The following DPP10 variants were observed in gnomAD, a reference collection of about 807,000 sequenced individuals.
The protein encoded by DPP10 is dipeptidyl peptidase like 10, also known as inactive dipeptidyl peptidase 10.
A neutral mutation model predicts 120.9 loss-of-function variants in DPP10; 33 were observed. That is an observed-to-expected ratio of 0.27 (90% CI 0.21 to 0.37). DPP10 has a LOEUF of 0.37. DPP10 is among the 10% of genes least tolerant of loss of function. The pLI is 1.00. For synonymous variants in DPP10, 337 were observed against 326.1 expected, an observed-to-expected ratio of 1.03 and a Z score of -0.36; for missense variants, 816 against 942.8, an observed-to-expected ratio of 0.87 and a Z score of 1.76.
intron 1 of DPP10, among the ~76,000 whole-genome samples, chr2:115,275,993 G>A (rs1199053197): frequency 1.3e-5 from 2 of 152,042 alleles, no homozygotes; most frequent in Admixed American, 6.5e-5. Flanking sequence ...GAGCCACCGC[G>A]CCCGGCCTAT....
At chr2:114,559,711 G>T (rs887525014) in intron 1 of DPP10, among the ~76,000 whole-genome samples, 8 of 152,018 alleles carry the variant, frequency 5.3e-5, no homozygotes, top group Non-Finnish European at 1.0e-4. Context: ...AATCTGTGTG[G>T]ATCATGAGTA....
At chr2:114,580,973 A>T (rs1263468028) in intron 1 of DPP10, among the ~76,000 whole-genome samples, 3 of 151,972 alleles carry the variant, frequency 2.0e-5, no homozygotes, top group Non-Finnish European at 2.9e-5. Flanking sequence ...ATTGTGGACG[A>T]CTTAAAAAGG....
intron 1 of DPP10, among the ~76,000 whole-genome samples, chr2:115,303,927 G>A (rs946704222): frequency 1.3e-5 from 2 of 151,934 alleles, no homozygotes; most frequent in African/African-American, 4.8e-5. Flanking sequence ...CTTTAAGATG[G>A]AGTTTATTCC....
intron 1 of DPP10, among the ~76,000 whole-genome samples, chr2:114,839,608 G>A (rs911769545): frequency 3.3e-5 from 5 of 152,132 alleles, no homozygotes; most frequent in Admixed American, 2.0e-4. Context: ...CACTTATCAA[G>A]TGTTATACAT....
chr2:115,152,020 T>C (rs2051593404), intron 1 of DPP10, among the ~76,000 whole-genome samples: 1 of 152,180 alleles, frequency 6.6e-6, no homozygotes. Flanking sequence ...ATTAATGTTT[T>C]TTTCATGTGT....
At chr2:115,318,836 A>G (rs2061923671) in intron 2 of DPP10, among the ~76,000 whole-genome samples, 1 of 152,126 alleles carries the variant, frequency 6.6e-6, no homozygotes, top group African/African-American at 2.4e-5. Flanking sequence ...TTTTCTATGT[A>G]TGAGGATCAT....
At chr2:114,499,558 A>G (rs767804734) in intron 1 of DPP10, among the ~76,000 whole-genome samples, 21 of 150,008 alleles carry the variant, frequency 1.4e-4, no homozygotes, top group African/African-American at 4.7e-4. Flanking sequence ...TTAGCACAAG[A>G]TGCTTTTGCA....
chr2:114,551,654 A>G (rs987848553), intron 1 of DPP10, among the ~76,000 whole-genome samples: 2 of 152,164 alleles, frequency 1.3e-5, no homozygotes, highest in African/African-American at 2.4e-5. Flanking sequence ...AGAAGATGCT[A>G]CTACATCAGA....
At chr2:114,962,020 C>T (rs1390716596) in intron 1 of DPP10, among the ~76,000 whole-genome samples, 1 of 152,062 alleles carries the variant, frequency 6.6e-6, no homozygotes, top group East Asian at 1.9e-4. Context: ...ACTATAGTTG[C>T]TGCTGTTAGA....
chr2:114,661,706 G>A (rs1038331563), intron 1 of DPP10, among the ~76,000 whole-genome samples: 8 of 152,124 alleles, frequency 5.3e-5, no homozygotes, highest in African/African-American at 1.9e-4. Flanking sequence ...AAAAGTATGA[G>A]TAAGAAACAG....
chr2:115,528,054 A>G (rs1314004092), intron 5 of DPP10, among the ~76,000 whole-genome samples: 3 of 152,144 alleles, frequency 2.0e-5, no homozygotes, highest in Non-Finnish European at 2.9e-5. Flanking sequence ...TTATAGCAGC[A>G]TTATTTGTAT....
chr2:114,786,518 T>A (rs1418973314), intron 1 of DPP10, among the ~76,000 whole-genome samples: 3 of 152,188 alleles, frequency 2.0e-5, no homozygotes, highest in Non-Finnish European at 2.9e-5. Flanking sequence ...TAACATCGTG[T>A]GTAGAAAATG....
chr2:114,697,247 G>C (rs1012068307), intron 1 of DPP10, among the ~76,000 whole-genome samples: 1 of 152,038 alleles, frequency 6.6e-6, no homozygotes, highest in African/African-American at 2.4e-5. Flanking sequence ...TTACAGTCTT[G>C]TAGTAACTCT....
At chr2:115,423,466 A>G (rs2070169464) in intron 3 of DPP10, among the ~76,000 whole-genome samples, 1 of 151,980 alleles carries the variant, frequency 6.6e-6, no homozygotes, top group Admixed American at 6.5e-5. Flanking sequence ...TGAATAAAAC[A>G]TAGTCAGATC....
chr2:115,087,262 G>A (rs1708789128), intron 1 of DPP10, among the ~76,000 whole-genome samples: 1 of 152,308 alleles, frequency 6.6e-6, no homozygotes, highest in South Asian at 2.1e-4. Flanking sequence ...GGCAATGGCT[G>A]TAGATTCCTT....
At chr2:114,483,704 C>A (rs1681262888) in intron 1 of DPP10, among the ~76,000 whole-genome samples, 1 of 152,136 alleles carries the variant, frequency 6.6e-6, no homozygotes, top group African/African-American at 2.4e-5. Flanking sequence ...GGATGGCTGC[C>A]TGTGGAATGC....
At chr2:115,581,563 A>G (rs2082004971) in intron 5 of DPP10, among the ~76,000 whole-genome samples, 1 of 152,136 alleles carries the variant, frequency 6.6e-6, no homozygotes, top group Non-Finnish European at 1.5e-5. Context: ...TAACTCTTCT[A>G]AATAAATAAA....
At chr2:115,805,955 A>G (rs999498004) in intron 19 of DPP10, among the ~76,000 whole-genome samples, 5 of 152,148 alleles carry the variant, frequency 3.3e-5, no homozygotes, top group Non-Finnish European at 7.3e-5. Context: ...CCGTTTTTGC[A>G]GGTGAGAACC....
chr2:115,338,620 C>A (rs776356208), intron 2 of DPP10, among the ~76,000 whole-genome samples: 24 of 151,978 alleles, frequency 1.6e-4, no homozygotes, highest in Non-Finnish European at 5.9e-5. Context: ...GCCACCTTGC[C>A]CAGCTCAGTA....
Sources: allele counts gnomAD v4.1 joint callset (sites outside exome capture counted in the v4.1 genomes callset), GRCh38; gene constraint gnomAD v4.1.1; transcripts MANE v1.5; gene names NCBI Gene and HGNC (gene_info 2026-07-23, HGNC 2026-07-21).